Variants in NUP133 observed in about 807,000 individuals in gnomAD.
The protein encoded by NUP133 is nucleoporin 133.
Under a neutral mutation model 146.2 loss-of-function variants are expected in NUP133, and 66 were observed. The observed-to-expected ratio is 0.45, with a 90% CI of 0.37 to 0.55. NUP133 has a LOEUF of 0.55. Among genes scored for constraint, NUP133 ranks in the 20% least tolerant of loss-of-function variants. The pLI is 0.00. For synonymous variants in NUP133, 521 were observed against 498.8 expected (o/e 1.04, Z -0.59); for missense variants, 1,277 against 1,374.8 (o/e 0.93, Z 1.12).
chr1:229,456,706 T>C (rs188463421), intron 21 of NUP133, among the ~76,000 whole-genome samples: 12 of 151,994 alleles, frequency 7.9e-5, no homozygotes, highest in African/African-American at 2.7e-4. Context: ...CGTATGTGTG[T>C]GTGTGTATAG....
intron 8 of NUP133, among the ~76,000 whole-genome samples, chr1:229,492,805 G>A (rs1661558740): frequency 6.6e-6 from 1 of 151,824 alleles, no homozygotes. Context: ...CTACATATTG[G>A]ATACAGTGTA....
At position 229,475,626 on chromosome 1, in the gene NUP133, C is replaced by T; in HGVS notation, c.1851+12G>A. On this transcript the variant is annotated intron_variant, in intron 14 of 25. Transcript: ENST00000261396. ...AAGGCAGAGCCCTGTGCCCAGCACCCTGCGCTCTTACTTGATGAATAAAGT... is the reference window on the plus strand; with the variant it reads ...AAGGCAGAGCCCTGTGCCCAGCACCTTGCGCTCTTACTTGATGAATAAAGT... The T allele has an allele frequency of 6.2e-7, 1 of 1,604,814 alleles. No homozygotes were observed. The highest frequency in any genetic ancestry group is 8.5e-7 in the Non-Finnish European group (1 of 1,171,540).
chr1:229,450,468 C>T (rs1182141854), intron 23 of NUP133, 57 bp downstream of exon 23: 2 of 861,030 alleles, frequency 2.3e-6, no homozygotes, highest in Non-Finnish European at 3.6e-6. Context: ...AGAGGGATCT[C>T]CCTCTTTTTA....
intron 21 of NUP133, among the ~76,000 whole-genome samples, chr1:229,457,938 G>A (rs963955371): frequency 2.6e-5 from 4 of 152,134 alleles, no homozygotes; most frequent in African/African-American, 7.2e-5. Context: ...AATCATTTGA[G>A]TCTATTCTTT....
At chr1:229,471,973 G>A (rs1036331614) in intron 14 of NUP133, among the ~76,000 whole-genome samples, 3 of 152,124 alleles carry the variant, frequency 2.0e-5, no homozygotes, top group African/African-American at 7.2e-5. Flanking sequence ...TAAAATAAGA[G>A]TTACATGGTC....
intron 21 of NUP133, among the ~76,000 whole-genome samples, chr1:229,457,115 C>T (rs1317204311): frequency 6.6e-6 from 1 of 152,122 alleles, no homozygotes; most frequent in Non-Finnish European, 1.5e-5. Context: ...GCGTGAGCCA[C>T]CAAACCCAGC....
At chr1:229,464,137 T>G (rs569669989) in intron 18 of NUP133, among the ~76,000 whole-genome samples, 2 of 152,080 alleles carry the variant, frequency 1.3e-5, no homozygotes, top group East Asian at 3.9e-4. Context: ...AGAGTGACGC[T>G]CTGTCTCAAC....
intron 21 of NUP133, among the ~76,000 whole-genome samples, chr1:229,456,913 A>G (rs7545592): frequency 0.28 from 42,848 of 150,458 alleles, 8,275 homozygotes; most frequent in African/African-American, 0.55. Flanking sequence ...CTGCCACCTC[A>G]ACCTCCTGGG....
At chr1:229,499,531 G>T (rs1661744511) in intron 5 of NUP133, among the ~76,000 whole-genome samples, 153 bp downstream of exon 5, 1 of 152,180 alleles carries the variant, frequency 6.6e-6, no homozygotes, top group African/African-American at 2.4e-5. Context: ...ACTTTGGGAA[G>T]CCAAAGCAGG....
intron 19 of NUP133, among the ~76,000 whole-genome samples, chr1:229,461,691 A>T (rs1198581695): frequency 6.6e-6 from 1 of 152,250 alleles, no homozygotes; most frequent in African/African-American, 2.4e-5. Flanking sequence ...CAACATAAAC[A>T]GACTCAAAGA....
At chr1:229,472,761 C>T (rs1425949131) in intron 14 of NUP133, among the ~76,000 whole-genome samples, 9 of 143,700 alleles carry the variant, frequency 6.3e-5, no homozygotes, top group African/African-American at 2.4e-4. Context: ...TGAATATGAT[C>T]AGATTACCTC....
chr1:229,503,508 A>G (rs1558110438), intron 2 of NUP133, among the ~76,000 whole-genome samples: 1 of 152,228 alleles, frequency 6.6e-6, no homozygotes, highest in Non-Finnish European at 1.5e-5. Flanking sequence ...CTAAATTAGC[A>G]CATATCTTAA....
chr1:229,496,828 T>C (rs894390359), intron 6 of NUP133, among the ~76,000 whole-genome samples: 6 of 151,890 alleles, frequency 4.0e-5, no homozygotes, highest in Admixed American at 3.9e-4. Context: ...TTTTTAAAAA[T>C]AAATAAAAAT....
At chr1:229,457,281 T>G (rs1660591269) in intron 21 of NUP133, among the ~76,000 whole-genome samples, 1 of 152,210 alleles carries the variant, frequency 6.6e-6, no homozygotes, top group Non-Finnish European at 1.5e-5. Context: ...AATCAGATTC[T>G]ATCTGGTATT....
intron 8 of NUP133, among the ~76,000 whole-genome samples, chr1:229,492,990 T>G (rs768177880): frequency 1.3e-5 from 2 of 152,134 alleles, no homozygotes; most frequent in Non-Finnish European, 2.9e-5. Flanking sequence ...AGTGTCTCTC[T>G]CTCTACAATG....
intron 15 of NUP133, among the ~76,000 whole-genome samples, chr1:229,469,482 G>A (rs563805571): frequency 1.4e-4 from 22 of 152,312 alleles, no homozygotes; most frequent in Admixed American, 2.6e-4. Context: ...TAGCTGAGGA[G>A]TTCAGTGAAG....
chr1:229,449,880 T>TA lies in NUP133; in HGVS notation c.3180+644_3180+645insT, dbSNP rs1427452223. On this transcript the variant is annotated intron_variant, in intron 23 of 25. Coordinates refer to ENST00000261396, the MANE Select transcript of NUP133 (RefSeq NM_018230.3). The stretch of plus-strand genomic sequence containing the variant: ...ATATATATATATATATATATTTTTT[T>TA]TTTTTTTTTTTTTTTTTTTGAGACA... Among the ~76,000 whole-genome samples, 363 of 116,218 alleles carry TA rather than the reference T, an allele frequency of 3.1e-3. 5 individuals are homozygous for TA. The highest frequency in any genetic ancestry group is 7.7e-3 in the Middle Eastern group (2 of 260). 76.2% of individuals were successfully genotyped at this position (116,218 alleles called of 152,430 possible).
At chr1:229,498,046 A>G (rs1661699843) in intron 6 of NUP133, 90 bp downstream of exon 6, 1 of 886,126 alleles carries the variant, frequency 1.1e-6, no homozygotes, top group East Asian at 2.9e-5. Flanking sequence ...GCTACTGTCC[A>G]TATGGAGGAA....
intron 6 of NUP133, 134 bp downstream of exon 6, chr1:229,498,002 T>C (rs554527128): frequency 1.3e-4 from 70 of 528,198 alleles, no homozygotes; most frequent in Non-Finnish European, 1.9e-4. Context: ...TAAAAATAGT[T>C]CACTAAAAAG....
Sources: gnomAD v4.1 joint callset for allele counts (sites outside exome capture counted in the v4.1 genomes callset) on GRCh38, gnomAD v4.1.1 for gene constraint, MANE v1.5 for transcripts, NCBI Gene and HGNC (gene_info 2026-07-23, HGNC 2026-07-21) for gene names.